FA2H: variants seen among roughly 807,000 people sequenced by gnomAD.
FA2H encodes the protein fatty acid 2-hydroxylase.
Under a neutral mutation model 44.9 loss-of-function variants are expected in FA2H, and 22 were observed. The ratio of observed to expected loss-of-function variants is 0.49; its 90% CI spans 0.35 to 0.70. FA2H has a LOEUF of 0.70. Among genes scored for constraint, FA2H ranks in the 30% least tolerant of loss-of-function variants. The pLI, the probability that FA2H is intolerant of heterozygous loss-of-function variation, is 0.01. For synonymous variants in FA2H, 243 were observed against 213.2 expected (o/e 1.14, Z -1.22); for missense variants, 501 against 504.9 (o/e 0.99, Z 0.07).
chr16:74,719,237 TC>T, intron 4 of FA2H, 77 bp from the exon 5 acceptor site: 2 of 1,335,826 alleles, frequency 1.5e-6, no homozygotes, highest in African/African-American at 1.4e-5. Flanking sequence ...TGCCTCACCA[TC>T]CCCATCAGCT....
intron 1 of FA2H, among the ~76,000 whole-genome samples, chr16:74,753,190 A>G (rs1962558393): frequency 6.6e-6 from 1 of 152,162 alleles, no homozygotes; most frequent in African/African-American, 2.4e-5. Flanking sequence ...CTGCTCAGAG[A>G]GGTTGATTAA....
At chr16:74,715,250 C>T (rs909101992) in intron 6 of FA2H, among the ~76,000 whole-genome samples, 6 of 151,886 alleles carry the variant, frequency 4.0e-5, no homozygotes, top group African/African-American at 9.7e-5. Flanking sequence ...ACAAAATACA[C>T]CTTAGATTTC....
chr16:74,752,222 C>G (rs1341773562), intron 1 of FA2H, among the ~76,000 whole-genome samples: 1 of 152,166 alleles, frequency 6.6e-6, no homozygotes, highest in Admixed American at 6.5e-5. Flanking sequence ...ACTCTTGACT[C>G]CCCCCAAGCC....
intron 1 of FA2H, among the ~76,000 whole-genome samples, chr16:74,760,195 C>A (rs918974850): frequency 1.3e-5 from 2 of 152,182 alleles, no homozygotes; most frequent in East Asian, 1.9e-4. Context: ...AGCTGAGCCA[C>A]ACACCAGTGA....
At chr16:74,720,250 C>T (rs1486097307) in intron 4 of FA2H, among the ~76,000 whole-genome samples, 1 of 116,650 alleles carries the variant, frequency 8.6e-6, no homozygotes, top group African/African-American at 3.4e-5. Flanking sequence ...GGCTGGAGTG[C>T]AGTGGTGTGA....
chr16:74,721,174 T>C (rs1302577602), intron 4 of FA2H, among the ~76,000 whole-genome samples: 1 of 150,850 alleles, frequency 6.6e-6, no homozygotes, highest in Non-Finnish European at 1.5e-5. Context: ...CTCTCTCTCT[T>C]TTTTTTTTGT....
rs947068759 is a variant in FA2H, at chr16:74,731,689, A to G, written c.364-4303T>C. 2.0e-5 allele frequency among the ~76,000 whole-genome samples: 3 copies of G among 151,172 alleles called. No homozygotes were observed. In the South Asian group the frequency reaches 6.3e-4, roughly 32 times the overall value. On this transcript the variant is annotated intron_variant, in intron 2 of 6. Coordinates refer to ENST00000219368, the MANE Select transcript of FA2H (RefSeq NM_024306.5). Reference sequence around the variant, plus strand: ...GTGGGCGCCACCACACATGGCTGCTATTTTCTATTTGTCTCCTCTGTTCTT... The same window carrying G: ...GTGGGCGCCACCACACATGGCTGCTGTTTTCTATTTGTCTCCTCTGTTCTT...
chr16:74,750,236 A>C (rs1186776588), intron 1 of FA2H, among the ~76,000 whole-genome samples: 1 of 152,186 alleles, frequency 6.6e-6, no homozygotes, highest in Non-Finnish European at 1.5e-5. Flanking sequence ...CACGTACGAC[A>C]CCTAAAATAT....
rs1002347025 is a variant in FA2H, at chr16:74,721,892, A to G, written c.614-2732T>C. On this transcript the variant is annotated intron_variant, in intron 4 of 6. Transcript: ENST00000219368. ...GTGTGCACCGGCACGCGGGCGCTGG[A>G]TGATCAGAGCAACAGTAACGGCAGA... is the stretch of plus-strand genomic sequence containing the variant. Among the ~76,000 whole-genome samples, 30 of 152,230 alleles carry G rather than the reference A, an allele frequency of 2.0e-4. 1 individual carries two copies. Among genetic ancestry groups the G allele is most frequent in the Non-Finnish European group, 1.5e-5 (1 of 68,038 alleles).
chr16:74,767,271 T>G (rs1962827034), intron 1 of FA2H, among the ~76,000 whole-genome samples: 1 of 152,048 alleles, frequency 6.6e-6, no homozygotes, highest in Non-Finnish European at 1.5e-5. Flanking sequence ...ATTGTGCCAT[T>G]GCACTCTAGC....
intron 1 of FA2H, among the ~76,000 whole-genome samples, chr16:74,745,294 A>G (rs1022684081): frequency 6.6e-6 from 1 of 152,198 alleles, no homozygotes; most frequent in East Asian, 1.9e-4. Context: ...ACCCCACTCA[A>G]TCTTGCTAAC....
chr16:74,756,291 C>T (rs1280475716), intron 1 of FA2H, among the ~76,000 whole-genome samples: 1 of 152,178 alleles, frequency 6.6e-6, no homozygotes, highest in Non-Finnish European at 1.5e-5. Flanking sequence ...CAGCTACCTG[C>T]TCCTTCCACA....
At chr16:74,735,818 A>G (rs893285831) in intron 2 of FA2H, among the ~76,000 whole-genome samples, 1 of 152,160 alleles carries the variant, frequency 6.6e-6, no homozygotes, top group Non-Finnish European at 1.5e-5. Flanking sequence ...TATCTCTACA[A>G]AAAAATTTAA....
chr16:74,729,004 A>ATTTTT lies in FA2H; in HGVS notation c.364-1623_364-1619dup, dbSNP rs35360701. Among the ~76,000 whole-genome samples, 19 of 38,994 alleles carry ATTTTT rather than the reference A, an allele frequency of 4.9e-4. 2 individuals carry two copies. Among genetic ancestry groups the ATTTTT allele is most frequent in the African/African-American group, 9.1e-4 (8 of 8,744 alleles). 25.6% of individuals were successfully genotyped at this position (38,994 alleles called of 152,430 possible). A position where few individuals can be genotyped will look rare whatever the true frequency, so the allele number is the denominator to read the frequency against. ...CATCATGTTGGCCAGGATGGTCTTG[A>ATTTTT]TTTTTTTTTTTTTTTTTTTTTTTTT... On this transcript the variant is annotated intron_variant, in intron 2 of 6. Coordinates refer to ENST00000219368, the MANE Select transcript of FA2H (RefSeq NM_024306.5).
chr16:74,734,964 G>T (rs1025283711), intron 2 of FA2H, among the ~76,000 whole-genome samples: 1 of 152,260 alleles, frequency 6.6e-6, no homozygotes, highest in African/African-American at 2.4e-5. Flanking sequence ...CCAGGCAGCC[G>T]GGGCTGCGGG....
chr16:74,739,467 T>A (rs1319701757), intron 2 of FA2H, among the ~76,000 whole-genome samples: 1 of 152,048 alleles, frequency 6.6e-6, no homozygotes, highest in Non-Finnish European at 1.5e-5. Context: ...CTCACCAGTC[T>A]ATGGGGTCTG....
chr16:74,766,402 G>A (rs1256480252), intron 1 of FA2H, among the ~76,000 whole-genome samples: 1 of 152,136 alleles, frequency 6.6e-6, no homozygotes, highest in African/African-American at 2.4e-5. Flanking sequence ...TATAGGTGAG[G>A]AGGTAAGGAG....
intron 1 of FA2H, among the ~76,000 whole-genome samples, chr16:74,757,393 G>C (rs1052420960): frequency 1.3e-5 from 2 of 152,154 alleles, no homozygotes; most frequent in African/African-American, 4.8e-5. Context: ...TTTTTGGAGG[G>C]AGTTAAAATT....
intron 1 of FA2H, among the ~76,000 whole-genome samples, chr16:74,762,732 A>G (rs6564167): frequency 0.46 from 69,381 of 151,798 alleles, 16,783 homozygotes; most frequent in African/African-American, 0.55. Context: ...GTTTCACCAT[A>G]TTGGTCAGGC....
Sources: allele counts gnomAD v4.1 joint callset (sites outside exome capture counted in the v4.1 genomes callset), GRCh38; gene constraint gnomAD v4.1.1; transcripts MANE v1.5; gene names NCBI Gene and HGNC (gene_info 2026-07-23, HGNC 2026-07-21).